The following ST8SIA6 variants were observed in gnomAD, a reference collection of about 807,000 sequenced individuals.
ST8SIA6 encodes the protein ST8 alpha-N-acetyl-neuraminide alpha-2,8-sialyltransferase 6, also known as alpha-2,8-sialyltransferase 8F.
ST8SIA6 carries 39 observed loss-of-function variants against 33.6 expected under a neutral mutation model. The observed-to-expected ratio is 1.16, with a 90% CI of 0.90 to 1.52. The LOEUF (loss-of-function observed/expected upper bound fraction) is 1.52. Among genes scored for constraint, ST8SIA6 ranks in the 40% most tolerant of loss-of-function variants. The pLI, the probability that ST8SIA6 is intolerant of heterozygous loss-of-function variation, is 0.00. For missense variants in ST8SIA6, 441 were observed against 443.8 expected (o/e 0.99, Z 0.06); for synonymous variants, 172 against 167.2 (o/e 1.03, Z -0.22).
chr10:17,331,517 T>A lies in ST8SIA6; in HGVS notation c.413A>T (p.Asn138Ile), dbSNP rs758562835. The A allele has an allele frequency of 6.2e-7, 1 of 1,612,556 alleles. No individual in the cohort carries two copies. Among genetic ancestry groups the A allele is most frequent in the South Asian group, 1.1e-5 (1 of 90,712 alleles). The part of the protein sequence containing the change: ...KLASCCDAVQ[N>I]FVVSQNNTPV... The stretch of plus-strand genomic sequence containing the variant: ...AGTGTTATTCTGAGAAACAACAAAG[T>A]TTTGAACAGCATCACAGCAGGAAGC... Residue 138 changes from asparagine (N) to isoleucine (I), a missense_variant, in exon 5 of 8, where the codon AAC becomes ATC. Coordinates refer to ENST00000377602, the MANE Select transcript of ST8SIA6 (RefSeq NM_001004470.3).
intron 3 of ST8SIA6, among the ~76,000 whole-genome samples, chr10:17,378,951 C>T (rs1043830188): frequency 6.6e-6 from 1 of 151,980 alleles, no homozygotes; most frequent in Non-Finnish European, 1.5e-5. Flanking sequence ...ATGGTGAAAC[C>T]CCGTTACTAC....
chr10:17,342,881 G>A (rs1053361616), intron 4 of ST8SIA6, among the ~76,000 whole-genome samples: 16 of 152,102 alleles, frequency 1.1e-4, no homozygotes, highest in Non-Finnish European at 2.2e-4. Flanking sequence ...CCCAGGAGAC[G>A]GAGGCTGCAG....
intron 2 of ST8SIA6, among the ~76,000 whole-genome samples, chr10:17,418,993 CAAAAAAA>C (rs910044275): frequency 3.9e-4 from 22 of 56,156 alleles, no homozygotes; most frequent in South Asian, 1.4e-3. Flanking sequence ...GGCTCCATCT[CAAAAAAA>C]AAAAAAAAAA....
chr10:17,418,752 GGAGGCC>G (rs1192954210), intron 2 of ST8SIA6, among the ~76,000 whole-genome samples: 1 of 152,116 alleles, frequency 6.6e-6, no homozygotes, highest in African/African-American at 2.4e-5. Context: ...CAGCACTTTG[GGAGGCC>G]GAGGCAGGTG....
At chr10:17,394,356 G>GAA (rs546106601) in intron 2 of ST8SIA6, among the ~76,000 whole-genome samples, 4,579 of 109,428 alleles carry the variant, frequency 0.042, 74 homozygotes, top group South Asian at 0.071. Flanking sequence ...TTGCCTTTAA[G>GAA]AAAAAAAAAA....
chr10:17,432,592 C>G (rs956520512), intron 2 of ST8SIA6, among the ~76,000 whole-genome samples: 1 of 152,170 alleles, frequency 6.6e-6, no homozygotes, highest in Non-Finnish European at 1.5e-5. Flanking sequence ...GATAAACACA[C>G]TTTTCAGCTT....
chr10:17,345,530 T>A (rs1848807020), intron 4 of ST8SIA6, among the ~76,000 whole-genome samples: 1 of 151,422 alleles, frequency 6.6e-6, no homozygotes, highest in Admixed American at 6.6e-5. Flanking sequence ...GGGTAAAGAC[T>A]GTTTGAGAAG....
intron 2 of ST8SIA6, among the ~76,000 whole-genome samples, chr10:17,437,656 TCCTTCCTTCTG>T (rs1852320787): frequency 8.2e-6 from 1 of 122,634 alleles, no homozygotes; most frequent in African/African-American, 4.0e-5. Context: ...CTTCCTTCCT[TCCTTCCTTCTG>T]TCTCTCTTTC....
At chr10:17,435,124 A>G (rs945493260) in intron 2 of ST8SIA6, among the ~76,000 whole-genome samples, 1 of 152,184 alleles carries the variant, frequency 6.6e-6, no homozygotes, top group African/African-American at 2.4e-5. Context: ...GCTGCTGCAT[A>G]TCTGAATTCA....
chr10:17,381,512 A>G (rs1272936085), intron 3 of ST8SIA6, among the ~76,000 whole-genome samples: 1 of 152,230 alleles, frequency 6.6e-6, no homozygotes, highest in East Asian at 1.9e-4. Context: ...ACCAAAAAAG[A>G]CTAGTCACAT....
At chr10:17,321,867 G>A (rs1376275889) in intron 7 of ST8SIA6, among the ~76,000 whole-genome samples, 1 of 152,056 alleles carries the variant, frequency 6.6e-6, no homozygotes, top group Non-Finnish European at 1.5e-5. Flanking sequence ...AGGCTGAGGC[G>A]AGAAGATCAC....
In ST8SIA6 at chr10:17,318,771, C is replaced by G. The variant is rs941472768; in HGVS notation, c.*2107G>C. The G allele has an allele frequency of 2.1e-6, 1 of 466,338 alleles. No individual in the cohort carries two copies. Among genetic ancestry groups the G allele is most frequent in the Non-Finnish European group, 4.4e-6 (1 of 226,248 alleles). 28.9% of individuals were successfully genotyped at this position (466,338 alleles called of 1,614,324 possible). A position where few individuals can be genotyped will look rare whatever the true frequency, so the allele number is the denominator to read the frequency against. ...TTTGCAATGATTCACCAATACAGAA[C>G]AAAAAGAACTGTGACTTACGTTTTA... is the stretch of plus-strand genomic sequence containing the variant. On this transcript the variant is annotated 3_prime_UTR_variant, in exon 8 of 8. Coordinates refer to ENST00000377602, the MANE Select transcript of ST8SIA6 (RefSeq NM_001004470.3).
At chr10:17,453,535 C>A in intron 2 of ST8SIA6, 24 bp downstream of exon 2, 1 of 1,282,300 alleles carries the variant, frequency 7.8e-7, no homozygotes, top group South Asian at 2.8e-5. Context: ...AGCCCCAGTC[C>A]GCCCGCGCTG....
rs186532927 is a variant in ST8SIA6, at chr10:17,319,002, C to G, written c.*1876G>C. On this transcript the variant is annotated 3_prime_UTR_variant, in exon 8 of 8. Coordinates refer to ENST00000377602, the MANE Select transcript of ST8SIA6 (RefSeq NM_001004470.3). ...GTCTTTTACTCCCTTTAGTTCTCTG[C>G]AACACACTGACTATGCTAGAAAGAG... is the stretch of plus-strand genomic sequence containing the variant. Among the ~76,000 whole-genome samples the G allele has an allele frequency of 6.6e-6, 1 of 152,214 alleles. No homozygotes were observed. The highest frequency in any genetic ancestry group is 1.9e-4 in the East Asian group (1 of 5,166).
intron 2 of ST8SIA6, among the ~76,000 whole-genome samples, chr10:17,440,724 A>G (rs746883513): frequency 5.3e-5 from 8 of 152,078 alleles, no homozygotes; most frequent in Non-Finnish European, 1.0e-4. Flanking sequence ...AACCACTGTC[A>G]GGAGCTTCGG....
intron 4 of ST8SIA6, among the ~76,000 whole-genome samples, chr10:17,335,668 A>C (rs763079384): frequency 1.3e-5 from 2 of 152,212 alleles, no homozygotes; most frequent in Non-Finnish European, 2.9e-5. Context: ...GAAAAAATGA[A>C]AATGAAATGG....
intron 2 of ST8SIA6, among the ~76,000 whole-genome samples, chr10:17,432,509 C>T (rs995253700): frequency 2.6e-5 from 4 of 152,182 alleles, no homozygotes; most frequent in African/African-American, 9.6e-5. Context: ...AGTTTATGAC[C>T]TTTATGCTAA....
At chr10:17,436,604 T>C (rs1447295545) in intron 2 of ST8SIA6, among the ~76,000 whole-genome samples, 1 of 146,824 alleles carries the variant, frequency 6.8e-6, no homozygotes, top group African/African-American at 2.5e-5. Context: ...TTCCCACCTA[T>C]GAGTGAGAAC....
At chr10:17,429,602 C>T (rs1466555748) in intron 2 of ST8SIA6, among the ~76,000 whole-genome samples, 1 of 152,016 alleles carries the variant, frequency 6.6e-6, no homozygotes, top group Admixed American at 6.6e-5. Flanking sequence ...GTCACCTCAC[C>T]CTCCTGAGAA....
Sources: gnomAD v4.1 joint callset for allele counts (sites outside exome capture counted in the v4.1 genomes callset) on GRCh38, gnomAD v4.1.1 for gene constraint, MANE v1.5 for transcripts, NCBI Gene and HGNC (gene_info 2026-07-23, HGNC 2026-07-21) for gene names.